Variants in SMCHD1 observed in about 807,000 individuals in gnomAD.
SMCHD1 encodes structural maintenance of chromosomes flexible hinge domain containing 1, also known as structural maintenance of chromosomes flexible hinge domain-containing protein 1.
A neutral mutation model predicts 254.7 loss-of-function variants in SMCHD1; 78 were observed. The ratio of observed to expected loss-of-function variants is 0.31; its 90% confidence interval spans 0.26 to 0.37. The LOEUF is 0.37. Among genes scored for constraint, SMCHD1 ranks in the 10% least tolerant of loss-of-function variants. SMCHD1 has a pLI of 1.00. For missense variants in SMCHD1, 1,840 were observed against 2,408.1 expected, an observed-to-expected ratio of 0.76 and a Z score of 4.94; for synonymous variants, 766 against 794.9, an observed-to-expected ratio of 0.96 and a Z score of 0.61.
intron 5 of SMCHD1, among the ~76,000 whole-genome samples, chr18:2,675,815 C>T (rs944338173): frequency 6.6e-6 from 1 of 152,174 alleles, no homozygotes; most frequent in Admixed American, 6.5e-5. Context: ...ATTCATGGGA[C>T]ATTGACTCTG....
chr18:2,698,258 T>C (rs2074325500), intron 10 of SMCHD1, among the ~76,000 whole-genome samples: 1 of 152,220 alleles, frequency 6.6e-6, no homozygotes, highest in Non-Finnish European at 1.5e-5. Flanking sequence ...GAACTCTTCT[T>C]TTAGTTCTGT....
rs1026857345 is a variant in SMCHD1, at chr18:2,707,507, A to C, written c.2064-56A>C. 6.7e-6 allele frequency: 7 copies of C among 1,044,790 alleles called. No homozygotes were observed. In the African/African-American group the frequency reaches 1.1e-4, roughly 17 times the overall value. 64.7% of individuals were successfully genotyped at this position (1,044,790 alleles called of 1,614,324 possible). A position where few individuals can be genotyped will look rare whatever the true frequency, so the allele number is the denominator to read the frequency against. On this transcript the variant is annotated intron_variant, in intron 15 of 47. Transcript: ENST00000320876. ...GTTTCTAATAACTCGTATCTTTTTAATTAAGATCATAATTAACAAAGTTTG... is the reference window on the plus strand; with the variant it reads ...GTTTCTAATAACTCGTATCTTTTTACTTAAGATCATAATTAACAAAGTTTG...
intron 17 of SMCHD1, among the ~76,000 whole-genome samples, chr18:2,710,622 G>A (rs567162560): frequency 9.9e-5 from 15 of 152,096 alleles, no homozygotes; most frequent in African/African-American, 3.1e-4. Context: ...ATTTATGAAC[G>A]GAAATAACTT....
At chr18:2,731,884 G>A (rs546830046) in intron 24 of SMCHD1, among the ~76,000 whole-genome samples, 3 of 152,164 alleles carry the variant, frequency 2.0e-5, no homozygotes, top group African/African-American at 7.2e-5. Context: ...GGTGGTAGGC[G>A]CCTGTAATCC....
chr18:2,747,691 T>A, intron 30 of SMCHD1, 44 bp downstream of exon 30: 1 of 1,420,312 alleles, frequency 7.0e-7, no homozygotes, highest in Non-Finnish European at 9.5e-7. Context: ...AATTCTGGAT[T>A]TCATTTTCAT....
rs903941006 is a variant in SMCHD1, at chr18:2,673,609, C to A, written c.507+246C>A. Among the ~76,000 whole-genome samples, 3 of 151,988 alleles carry A rather than the reference C, an allele frequency of 2.0e-5. No individual in the cohort carries two copies. The South Asian group carries it at 6.2e-4, about 31-fold the overall frequency. Reference sequence around the variant, plus strand: ...AGTACATTGTTAACATGTGTCATATCATGAATGTTCTGCAATATAATCTGT... The same window carrying A: ...AGTACATTGTTAACATGTGTCATATAATGAATGTTCTGCAATATAATCTGT... On this transcript the variant is annotated intron_variant, in intron 4 of 47. Transcript: ENST00000320876.
rs183012753 is a variant in SMCHD1 at position 2,795,846 on chromosome 18, A to G, written c.5720-103A>G. On this transcript the variant is annotated intron_variant, in intron 45 of 47. Coordinates refer to ENST00000320876, the MANE Select transcript of SMCHD1 (RefSeq NM_015295.3). ...TTATGGCTTTAAAAGTAGATCCCCT[A>G]TGTTACCATAACACAAATTCCAGTG... The G allele has an allele frequency of 6.3e-5, 56 of 886,472 alleles. No homozygotes were observed. In the East Asian group the frequency reaches 1.1e-3, roughly 18 times the overall value. The allele number at this position is 886,472 out of a possible 1,614,324, so 54.9% of individuals were successfully genotyped here.
intron 47 of SMCHD1, chr18:2,796,836 G>A: frequency 3.9e-6 from 1 of 258,078 alleles, no homozygotes; most frequent in Non-Finnish European, 7.4e-6. Flanking sequence ...GCCTGTCTTG[G>A]CCTCTCAAAG....
intron 28 of SMCHD1, among the ~76,000 whole-genome samples, chr18:2,742,957 A>G (rs1427117313): frequency 6.6e-6 from 1 of 152,200 alleles, no homozygotes; most frequent in East Asian, 1.9e-4. Context: ...TATAGTCAGG[A>G]GCCACTGTGC....
chr18:2,721,333 A>G (rs1208870878), intron 19 of SMCHD1, among the ~76,000 whole-genome samples: 1 of 151,968 alleles, frequency 6.6e-6, no homozygotes, highest in African/African-American at 2.4e-5. Flanking sequence ...GAGAGAACTG[A>G]TCTAGGTAGC....
Position 2,776,100 on chromosome 18 carries a change from A to G in SMCHD1, c.5366+176A>G, listed in dbSNP as rs568888649. On this transcript the variant is annotated intron_variant, in intron 42 of 47. Coordinates refer to ENST00000320876, the MANE Select transcript of SMCHD1 (RefSeq NM_015295.3). ...GCATTTTTCACTGCATATGCTGGCT[A>G]TGTTTTATTTGCCAATTAAATATTA... 2.1e-3 allele frequency among the ~76,000 whole-genome samples: 313 copies of G among 152,308 alleles called. 1 individual carries two copies. The highest frequency in any genetic ancestry group is 7.0e-3 in the African/African-American group (290 of 41,570).
At position 2,706,402 on chromosome 18, in the gene SMCHD1, A is replaced by T; in HGVS notation, c.1995A>T (p.Pro665=). The T allele has an allele frequency of 6.3e-7, 1 of 1,592,078 alleles. No homozygotes were observed. Among genetic ancestry groups the T allele is most frequent in the Non-Finnish European group, 8.6e-7 (1 of 1,168,584 alleles). The part of the protein sequence containing the change: ...QALYDEVRTV[P]IAKLDRTVAE... The stretch of plus-strand genomic sequence containing the variant: ...TATATGATGAAGTAAGAACTGTGCC[A>T]ATTGCAAAGCTGGATAGGACAGTTG... The change falls in exon 15 of 48, where the codon CCA becomes CCT. Residue 665 remains proline (P), a synonymous_variant. Coordinates refer to ENST00000320876, the MANE Select transcript of SMCHD1 (RefSeq NM_015295.3).
At chr18:2,732,607 T>A (rs1188447166) in intron 25 of SMCHD1, 115 bp downstream of exon 25, 1 of 636,006 alleles carries the variant, frequency 1.6e-6, no homozygotes. Flanking sequence ...CACAGAAAAG[T>A]TATACTATCA....
chr18:2,766,015 A>G (rs1427129632), intron 37 of SMCHD1, among the ~76,000 whole-genome samples: 1 of 91,794 alleles, frequency 1.1e-5, no homozygotes, highest in Non-Finnish European at 2.6e-5. Context: ...TTTTTTGGAG[A>G]CAGAGTCTCA....
intron 34 of SMCHD1, among the ~76,000 whole-genome samples, chr18:2,757,734 A>G (rs190830289): frequency 1.3e-5 from 2 of 152,000 alleles, no homozygotes; most frequent in African/African-American, 2.4e-5. Flanking sequence ...AGTGTTCTAT[A>G]TCTTTTATAT....
At chr18:2,710,526 T>C (rs1016441792) in intron 17 of SMCHD1, among the ~76,000 whole-genome samples, 1 of 152,248 alleles carries the variant, frequency 6.6e-6, no homozygotes, top group Non-Finnish European at 1.5e-5. Context: ...TGAACATGAT[T>C]TTGTATCTGC....
chr18:2,742,978 T>C (rs2061092352), intron 28 of SMCHD1, among the ~76,000 whole-genome samples: 1 of 152,166 alleles, frequency 6.6e-6, no homozygotes, highest in East Asian at 1.9e-4. Context: ...CTGGCCTGAT[T>C]TTAAAATTTT....
chr18:2,680,560 A>T lies in SMCHD1; in HGVS notation c.638+6415A>T, dbSNP rs2119837. On this transcript the variant is annotated intron_variant, in intron 5 of 47. Transcript: ENST00000320876. ...AGAGTTTACAACTCTGCCTTACTTT[A>T]ACTTCTTGCTTGTAGTGAACCTCAA... Among the ~76,000 whole-genome samples the T allele has an allele frequency of 8.5e-3, 1,287 of 152,230 alleles. 38 individuals are homozygous for T. The highest frequency in any genetic ancestry group is 0.054 in the Admixed American group (831 of 15,284).
chr18:2,662,178 AT>A (rs200030923), intron 1 of SMCHD1, among the ~76,000 whole-genome samples: 15,669 of 93,440 alleles, frequency 0.17, 1,835 homozygotes, highest in South Asian at 0.2. Context: ...AAAAAAAAAA[AT>A]AAAATAAATA....
Sources: gnomAD v4.1 joint callset for allele counts (sites outside exome capture counted in the v4.1 genomes callset) on GRCh38, gnomAD v4.1.1 for gene constraint, MANE v1.5 for transcripts, NCBI Gene and HGNC (gene_info 2026-07-23, HGNC 2026-07-21) for gene names.